Variants in TMEM220 observed in about 807,000 individuals in gnomAD.
TMEM220 encodes the protein transmembrane protein 220.
TMEM220 carries 21 observed loss-of-function variants against 21.7 expected under a neutral mutation model. The ratio of observed to expected loss-of-function variants is 0.97; its 90% confidence interval spans 0.69 to 1.39. The LOEUF is 1.39. TMEM220 is among the 40% of genes most tolerant of loss of function. The pLI is 0.00. For missense variants in TMEM220, 191 were observed against 201.9 expected (o/e 0.95, Z 0.33); for synonymous variants, 80 against 73.6 (o/e 1.09, Z -0.45).
At chr17:10,715,727 T>C (rs2074908938) in intron 5 of TMEM220, 139 bp from the exon 6 acceptor site, 2 of 565,900 alleles carry the variant, frequency 3.5e-6, no homozygotes, top group Non-Finnish European at 5.8e-6. Context: ...TAACATTGAT[T>C]TATAGAAATT....
chr17:10,721,995 C>T (rs1344688257), intron 5 of TMEM220, among the ~76,000 whole-genome samples: 4 of 125,980 alleles, frequency 3.2e-5, no homozygotes, highest in African/African-American at 5.9e-5. Flanking sequence ...GTTTTTCTTT[C>T]TTTTTTTTTT....
Position 10,729,864 on chromosome 17 carries a change from A to C in TMEM220, c.-13T>G, listed in dbSNP as rs3826448. 32 of 1,319,538 alleles carry C rather than the reference A, an allele frequency of 2.4e-5. No individual in the cohort carries two copies. In the East Asian group the frequency reaches 8.7e-4, roughly 36 times the overall value. 81.7% of individuals were successfully genotyped at this position (1,319,538 alleles called of 1,614,324 possible). ...GCGCTGGCGCCATGGCTCGGAGAAC[A>C]CGGCGCGGGGCGGTGAGTCCTGCCA... On this transcript the variant is annotated 5_prime_UTR_variant, in exon 1 of 6. Coordinates refer to ENST00000341871, the MANE Select transcript of TMEM220 (RefSeq NM_001004313.3).
chr17:10,726,346 A>G, intron 2 of TMEM220, 82 bp from the exon 3 acceptor site: 1 of 1,164,398 alleles, frequency 8.6e-7, no homozygotes, highest in Non-Finnish European at 1.3e-6. Context: ...GGAAGTAAAG[A>G]AAGATGAGAT....
intron 5 of TMEM220, among the ~76,000 whole-genome samples, chr17:10,717,803 A>G (rs2074940150): frequency 6.6e-6 from 1 of 151,908 alleles, no homozygotes; most frequent in Non-Finnish European, 1.5e-5. Context: ...TTTAGGAAAA[A>G]TTTAAATTAT....
At chr17:10,711,901 G>A (rs2074856390), downstream of TMEM220, among the ~76,000 whole-genome samples, 1 of 152,242 alleles carries the variant, frequency 6.6e-6, no homozygotes, top group Non-Finnish European at 1.5e-5. Flanking sequence ...CTATTCAGGT[G>A]TGGAGAAAGT....
chr17:10,726,135 C>G, intron 3 of TMEM220, 69 bp downstream of exon 3: 1 of 1,319,418 alleles, frequency 7.6e-7, no homozygotes, highest in South Asian at 1.2e-5. Flanking sequence ...GGGAGTTGGG[C>G]AGATAGACCC....
chr17:10,720,555 G>A (rs1460221017), intron 5 of TMEM220, among the ~76,000 whole-genome samples: 4 of 152,202 alleles, frequency 2.6e-5, no homozygotes, highest in East Asian at 1.9e-4. Flanking sequence ...GGAAAGGGAA[G>A]CTATAGGGTC....
At chr17:10,726,132 G>T in intron 3 of TMEM220, 72 bp downstream of exon 3, 1 of 1,262,464 alleles carries the variant, frequency 7.9e-7, no homozygotes, top group Non-Finnish European at 1.2e-6. Flanking sequence ...CCTGGGAGTT[G>T]GGCAGATAGA....
chr17:10,720,173 T>C lies in TMEM220; in HGVS notation c.347+3097A>G, dbSNP rs74643418. Among the ~76,000 whole-genome samples the C allele has an allele frequency of 0.015, 2,212 of 152,274 alleles. 86 individuals are homozygous for C. In the East Asian group the frequency reaches 0.15, roughly 10 times the overall value. The stretch of plus-strand genomic sequence containing the variant: ...CGGGAGTATATAGAAATATGAACTA[T>C]GCAATTACACTTTGACCCAGTAGTC... On this transcript the variant is annotated intron_variant, in intron 5 of 5. Coordinates refer to ENST00000341871, the MANE Select transcript of TMEM220 (RefSeq NM_001004313.3).
rs1401100885 is a variant in TMEM220, at chr17:10,729,932, C to T, written c.-81G>A. Reference sequence around the variant, plus strand: ...CCTGCCACGTACGGTCCGCCTTCCTCCTTGCGCGGAGGGACCGAGACCCCC... The same window carrying T: ...CCTGCCACGTACGGTCCGCCTTCCTTCTTGCGCGGAGGGACCGAGACCCCC... On this transcript the variant is annotated 5_prime_UTR_variant, in exon 1 of 6. Transcript: ENST00000341871. The T allele has an allele frequency of 4.9e-6, 6 of 1,235,506 alleles. No individual in the cohort carries two copies. In the African/African-American group the frequency reaches 9.3e-5, roughly 19 times the overall value. The allele number at this position is 1,235,506 out of a possible 1,614,324, so 76.5% of individuals were successfully genotyped here. A position where few individuals can be genotyped will look rare whatever the true frequency, so the allele number is the denominator to read the frequency against.
chr17:10,725,148 T>G lies in TMEM220; in HGVS notation c.164-14A>C. The G allele has an allele frequency of 1.9e-6, 3 of 1,613,112 alleles. No homozygotes were observed. The highest frequency in any genetic ancestry group is 2.5e-6 in the Non-Finnish European group (3 of 1,179,142). ...AAATAACATTACCTAAAAATAGATGTTCTGATGTTGTTAACCACGGAATCA... is the reference window on the plus strand; with the variant it reads ...AAATAACATTACCTAAAAATAGATGGTCTGATGTTGTTAACCACGGAATCA... On this transcript the variant is annotated splice_polypyrimidine_tract_variant and intron_variant, in intron 3 of 5. Coordinates refer to ENST00000341871, the MANE Select transcript of TMEM220 (RefSeq NM_001004313.3).
chr17:10,725,576 A>G (rs2075040775), intron 3 of TMEM220, among the ~76,000 whole-genome samples: 2 of 152,238 alleles, frequency 1.3e-5, no homozygotes, highest in South Asian at 4.1e-4. Context: ...TGGACGTGGC[A>G]TCGTGAAGAT....
intron 3 of TMEM220, among the ~76,000 whole-genome samples, 185 bp from the exon 4 acceptor site, chr17:10,725,319 C>G (rs372093634): frequency 6.6e-6 from 1 of 152,252 alleles, no homozygotes; most frequent in East Asian, 1.9e-4. Context: ...ACTTCAGTGG[C>G]CATTTCTTGT....
intron 2 of TMEM220, among the ~76,000 whole-genome samples, chr17:10,727,686 T>C (rs1199836432): frequency 6.6e-6 from 1 of 152,198 alleles, no homozygotes; most frequent in African/African-American, 2.4e-5. Flanking sequence ...AATGTGGTTT[T>C]ACTGCACTAA....
chr17:10,712,525 TAGAC>T (rs1462587997), downstream of TMEM220, among the ~76,000 whole-genome samples: 4 of 152,146 alleles, frequency 2.6e-5, no homozygotes, highest in Non-Finnish European at 4.4e-5. Flanking sequence ...TACCATGAAT[TAGAC>T]AGACATCCAT....
At position 10,729,094 on chromosome 17, in the gene TMEM220, A is replaced by T. The variant is rs781536460; in HGVS notation, c.73-34T>A. ...CCAGAATACCAAGGTGTTAGCAGAC[A>T]TCCTGTGCTGTTCCATTCCTTTTAA... On this transcript the variant is annotated intron_variant, in intron 1 of 5. Coordinates refer to ENST00000341871, the MANE Select transcript of TMEM220 (RefSeq NM_001004313.3). 9.3e-6 allele frequency: 15 copies of T among 1,613,450 alleles called. No individual in the cohort carries two copies. In the Middle Eastern group the frequency reaches 6.6e-4, roughly 71 times the overall value.
chr17:10,717,296 C>G (rs969773782), intron 5 of TMEM220, among the ~76,000 whole-genome samples: 5 of 152,322 alleles, frequency 3.3e-5, no homozygotes, highest in South Asian at 2.1e-4. Flanking sequence ...AACTGTTCAC[C>G]ATTAAGTCTC....
At chr17:10,713,286 A>T (rs2074868513), downstream of TMEM220, 1 of 146,946 alleles carries the variant, frequency 6.8e-6, no homozygotes, top group Non-Finnish European at 1.5e-5. Context: ...AAAAAAAAAA[A>T]GATTTTAATA....
intron 5 of TMEM220, among the ~76,000 whole-genome samples, chr17:10,719,772 AAGTAT>A (rs2074966458): frequency 1.3e-5 from 2 of 152,220 alleles, no homozygotes; most frequent in South Asian, 4.1e-4. Flanking sequence ...TTTCATGGCA[AAGTAT>A]ACTTTGCATA....
Sources: gnomAD v4.1 joint callset for allele counts (sites outside exome capture counted in the v4.1 genomes callset) on GRCh38, gnomAD v4.1.1 for gene constraint, MANE v1.5 for transcripts, NCBI Gene and HGNC (gene_info 2026-07-23, HGNC 2026-07-21) for gene names.